Variants in GABRA4 observed in about 807,000 individuals in gnomAD.
The protein encoded by GABRA4 is gamma-aminobutyric acid receptor subunit alpha-4.
In GABRA4, 12 loss-of-function variants were observed where a neutral mutation model predicts 49.7. That is an observed-to-expected ratio of 0.24 (90% CI 0.15 to 0.39). The LOEUF is 0.39. GABRA4 is among the 10% of genes least tolerant of loss of function. The probability of loss-of-function intolerance (pLI) is 1.00; values close to 1 mark genes in which losing one functional copy is unlikely to be tolerated. For missense variants in GABRA4, 506 were observed against 686.0 expected, an observed-to-expected ratio of 0.74 and a Z score of 2.93; for synonymous variants, 288 against 240.2, an observed-to-expected ratio of 1.20 and a Z score of -1.84.
chr4:46,975,944 A>G (rs1723126699), intron 5 of GABRA4, among the ~76,000 whole-genome samples: 1 of 151,958 alleles, frequency 6.6e-6, no homozygotes, highest in South Asian at 2.1e-4. Flanking sequence ...GGGGTTATAA[A>G]AAGAATAGTG....
intron 3 of GABRA4, among the ~76,000 whole-genome samples, chr4:46,978,192 A>G (rs940346128): frequency 6.6e-6 from 1 of 152,090 alleles, no homozygotes; most frequent in African/African-American, 2.4e-5. Flanking sequence ...GCACAACTGT[A>G]TGGATGAATT....
rs1721324305 is a variant in GABRA4 at position 46,928,644 on chromosome 4, C to A, written c.1246G>T (p.Val416Phe). 1 of 1,613,674 alleles carries A rather than the reference C, an allele frequency of 6.2e-7. No homozygotes were observed. Among genetic ancestry groups the A allele is most frequent in the Non-Finnish European group, 8.5e-7 (1 of 1,179,744 alleles). Reference sequence around the variant, plus strand: ...GTGCCTTTAGAAGATTCTTGAACAACTGTGGAAGATTTGCTTGAATGGTTT... The same window carrying A: ...GTGCCTTTAGAAGATTCTTGAACAAATGTGGAAGATTTGCTTGAATGGTTT... ...VGNHSSKSSTVVQESSKGTPR... is the reference protein window; with the variant it reads ...VGNHSSKSSTFVQESSKGTPR... Residue 416 changes from valine (V) to phenylalanine (F), a missense_variant, in exon 9 of 9, where the codon GTT (valine) becomes TTT (phenylalanine). By Grantham distance (50) the Val-to-Phe change is conservative (BLOSUM62 -1). Transcript: ENST00000264318.
intron 2 of GABRA4, among the ~76,000 whole-genome samples, chr4:46,991,721 A>ACTTGTTACTTATCTTTCTAAGC (rs1553907064): frequency 1.3e-5 from 2 of 151,916 alleles, no homozygotes; most frequent in South Asian, 2.1e-4. Context: ...TGGAACTTGG[A>ACTTGTTACTTATCTTTCTAAGC]CTCAATTTCC....
chr4:46,992,571 C>T, intron 2 of GABRA4: 1 of 492,434 alleles, frequency 2.0e-6, no homozygotes, highest in Non-Finnish European at 3.6e-6. Flanking sequence ...TCTCCAACCT[C>T]CCCCACCCAG....
intron 7 of GABRA4, among the ~76,000 whole-genome samples, chr4:46,965,981 T>TTC (rs897706322): frequency 2.0e-5 from 3 of 151,736 alleles, no homozygotes; most frequent in Non-Finnish European, 4.4e-5. Flanking sequence ...ACAGAAGTAC[T>TTC]TCTCCTCCAT....
At position 46,939,633 on chromosome 4, in the gene GABRA4, A is replaced by AT. The variant is rs200614176; in HGVS notation, c.1135-10879dup. ...GGAATTAAAAATACATGCTTATGAG[A>AT]TTTTTTTAAAAACAGAAAAAAGTTT... On this transcript the variant is annotated intron_variant, in intron 8 of 8. Coordinates refer to ENST00000264318, the MANE Select transcript of GABRA4 (RefSeq NM_000809.4). 9.5e-4 allele frequency among the ~76,000 whole-genome samples: 144 copies of AT among 152,092 alleles called. No homozygotes were observed. In the East Asian group the frequency reaches 0.019, roughly 20 times the overall value.
chr4:46,930,586 A>G (rs778663926), intron 8 of GABRA4, among the ~76,000 whole-genome samples: 1 of 152,026 alleles, frequency 6.6e-6, no homozygotes, highest in Admixed American at 6.6e-5. Context: ...TCCCAAGAAG[A>G]GAAGAAAAGA....
In GABRA4 at chr4:46,928,420, A is replaced by AT. The variant is rs765651477; in HGVS notation, c.1469_1470insA (p.Asn491Ter). The AT allele has an allele frequency of 9.3e-6, 15 of 1,613,560 alleles. No individual in the cohort carries two copies. Among genetic ancestry groups the AT allele is most frequent in the Non-Finnish European group, 8.5e-6 (10 of 1,179,718 alleles). ...ACTTCCCAGTAGCCCCTATGGTATT[A>AT]ACTGTGGTCTTTATCCTCTGCAGTC... On this transcript the variant is annotated frameshift_variant, in exon 9 of 9. Coordinates refer to ENST00000264318, the MANE Select transcript of GABRA4 (RefSeq NM_000809.4). LOFTEE classifies it high-confidence loss of function.
chr4:46,952,332 T>TA (rs1560469684), intron 8 of GABRA4, among the ~76,000 whole-genome samples: 1 of 151,988 alleles, frequency 6.6e-6, no homozygotes, highest in Non-Finnish European at 1.5e-5. Context: ...TCTAGGAAGC[T>TA]AAAAAAATCC....
chr4:46,950,715 G>T (rs202121763), intron 8 of GABRA4, among the ~76,000 whole-genome samples: 1 of 58,034 alleles, frequency 1.7e-5, no homozygotes, highest in Non-Finnish European at 3.9e-5. Flanking sequence ...TATTCTCTAA[G>T]AAAATAAATA....
chr4:46,983,465 G>T (rs1723427207), intron 2 of GABRA4, among the ~76,000 whole-genome samples: 1 of 152,030 alleles, frequency 6.6e-6, no homozygotes, highest in Non-Finnish European at 1.5e-5. Context: ...GTTTCATCAT[G>T]TTCCTAATAT....
chr4:46,959,761 AAAAAAAAAAAAAAAAG>A (rs1400990123), intron 8 of GABRA4, among the ~76,000 whole-genome samples: 1 of 147,492 alleles, frequency 6.8e-6, no homozygotes, highest in African/African-American at 2.5e-5. Context: ...CACTTTGCAA[AAAAAAAAAAAAAAAAG>A]AAAAGAAAAC....
rs1370477333 is a variant in GABRA4, at chr4:46,921,147, C to T, written c.*7078G>A. 3 of 148,334 alleles carry T rather than the reference C, an allele frequency of 2.0e-5. No individual in the cohort carries two copies. The highest frequency in any genetic ancestry group is 4.5e-5 in the Non-Finnish European group (3 of 67,148). 9.2% of individuals were successfully genotyped at this position (148,334 alleles called of 1,614,324 possible). ...CATGGGTATTTCTTTTTTTTTTTAACGGAAGTAATTAGTGGTAGAGAAAAG... is the reference window on the plus strand; with the variant it reads ...CATGGGTATTTCTTTTTTTTTTTAATGGAAGTAATTAGTGGTAGAGAAAAG... On this transcript the variant is annotated 3_prime_UTR_variant, in exon 9 of 9. Coordinates refer to ENST00000264318, the MANE Select transcript of GABRA4 (RefSeq NM_000809.4).
chr4:46,986,868 T>C (rs2109406190), intron 2 of GABRA4, among the ~76,000 whole-genome samples: 1 of 152,270 alleles, frequency 6.6e-6, no homozygotes, highest in Middle Eastern at 3.4e-3. Flanking sequence ...TCCCACGTTC[T>C]AGCTGTCGTC....
intron 8 of GABRA4, among the ~76,000 whole-genome samples, chr4:46,964,579 TA>T (rs1485848447): frequency 6.6e-6 from 1 of 151,948 alleles, no homozygotes; most frequent in East Asian, 1.9e-4. Flanking sequence ...AAGCAATTTT[TA>T]AAGACACAAA....
At chr4:46,935,682 AG>A (rs1721581132) in intron 8 of GABRA4, among the ~76,000 whole-genome samples, 1 of 149,276 alleles carries the variant, frequency 6.7e-6, no homozygotes, top group Non-Finnish European at 1.5e-5. Flanking sequence ...GTGGGGGGCT[AG>A]GGGAGGGATA....
At chr4:46,954,007 G>T (rs747099937) in intron 8 of GABRA4, among the ~76,000 whole-genome samples, 1 of 151,846 alleles carries the variant, frequency 6.6e-6, no homozygotes, top group Non-Finnish European at 1.5e-5. Flanking sequence ...AGACCTTTCT[G>T]TGCCTCAATT....
Position 46,928,176 on chromosome 4 carries a change from G to A in GABRA4, c.*49C>T, listed in dbSNP as rs1369597089. The stretch of plus-strand genomic sequence containing the variant: ...GTTTATATTTAAAAACATTTAAAAA[G>A]ACATTCTGCATTTTCATCATCTTTT... On this transcript the variant is annotated 3_prime_UTR_variant, in exon 9 of 9. Transcript: ENST00000264318. 2.4e-5 allele frequency: 34 copies of A among 1,398,918 alleles called. No individual in the cohort carries two copies. The highest frequency in any genetic ancestry group is 3.1e-5 in the Non-Finnish European group (32 of 1,032,842). 86.7% of individuals were successfully genotyped at this position (1,398,918 alleles called of 1,614,324 possible).
At chr4:46,982,492 C>A (rs1723391451) in intron 2 of GABRA4, among the ~76,000 whole-genome samples, 1 of 151,910 alleles carries the variant, frequency 6.6e-6, no homozygotes, top group Non-Finnish European at 1.5e-5. Flanking sequence ...ACTTTGGTAT[C>A]CCCAGAACTG....
Sources: gnomAD v4.1 joint callset for allele counts (sites outside exome capture counted in the v4.1 genomes callset) on GRCh38, gnomAD v4.1.1 for gene constraint, MANE v1.5 for transcripts, NCBI Gene and HGNC (gene_info 2026-07-23, HGNC 2026-07-21) for gene names.